PRPF38B: variants seen among roughly 807,000 people sequenced by gnomAD.
PRPF38B encodes the protein pre-mRNA processing factor 38B, also known as pre-mRNA-splicing factor 38B.
PRPF38B carries 18 observed loss-of-function variants against 67.2 expected under a neutral mutation model. That is an observed-to-expected ratio of 0.27 (90% CI 0.19 to 0.40). The LOEUF (loss-of-function observed/expected upper bound fraction) is 0.40, where lower values mean the gene tolerates loss of function less well. Among genes scored for constraint, PRPF38B ranks in the 10% least tolerant of loss-of-function variants. The pLI, the probability that PRPF38B is intolerant of heterozygous loss-of-function variation, is 1.00. For missense variants in PRPF38B, 544 were observed against 684.9 expected (o/e 0.79, Z 2.30); for synonymous variants, 246 against 234.2 (o/e 1.05, Z -0.46).
At chr1:108,697,331 C>G (rs1264215468) in intron 4 of PRPF38B, 1 of 152,192 alleles carries the variant, frequency 6.6e-6, no homozygotes, top group Non-Finnish European at 1.5e-5. Flanking sequence ...CTGTATTGTC[C>G]CTATGTCTAC....
rs1373202343 is a variant in PRPF38B at position 108,701,173 on chromosome 1, A to T, written c.*1153A>T. The T allele has an allele frequency of 6.6e-6, 1 of 152,640 alleles. No individual in the cohort carries two copies. Among genetic ancestry groups the T allele is most frequent in the East Asian group, 1.9e-4 (1 of 5,202 alleles). 9.5% of individuals were successfully genotyped at this position (152,640 alleles called of 1,614,324 possible). ...ATCATGAGTGTGGAATAAATACTGG[A>T]TTAAATCCTTTATCCTGGGTCTTGG... On this transcript the variant is annotated 3_prime_UTR_variant, in exon 6 of 6. Transcript: ENST00000370025.
Position 108,701,648 on chromosome 1 carries a change from C to T in PRPF38B, c.*1628C>T, listed in dbSNP as rs531371534. On this transcript the variant is annotated 3_prime_UTR_variant, in exon 6 of 6. Transcript: ENST00000370025. The stretch of plus-strand genomic sequence containing the variant: ...GCACATTGAGGTTTGTTTTATCTCA[C>T]TGGTTATACTGGCCAACTAATGCGC... 2 of 152,292 alleles carry T rather than the reference C, an allele frequency of 1.3e-5. No individual in the cohort carries two copies. The highest frequency in any genetic ancestry group is 3.9e-4 in the East Asian group (2 of 5,192). The allele number at this position is 152,292 out of a possible 1,614,324, so 9.4% of individuals were successfully genotyped here.
At position 108,698,669 on chromosome 1, in the gene PRPF38B, C is replaced by G; in HGVS notation, c.624C>G (p.Leu208=). ...TTGGAGAAATGCTACGATCTTTTCT[C>G]ACAAAACTGGAGTGGTTTTCTACCT... ...MTIGEMLRSF[L]TKLEWFSTLF... The change falls in exon 5 of 6, where the codon CTC becomes CTG. Residue 208 remains leucine (L), a synonymous_variant. Coordinates refer to ENST00000370025, the MANE Select transcript of PRPF38B (RefSeq NM_018061.4). The G allele has an allele frequency of 6.2e-7, 1 of 1,614,024 alleles. No homozygotes were observed. The highest frequency in any genetic ancestry group is 8.5e-7 in the Non-Finnish European group (1 of 1,179,962).
intron 5 of PRPF38B, 23 bp from the exon 6 acceptor site, chr1:108,699,139 C>T (rs770311576): frequency 9.0e-6 from 14 of 1,562,602 alleles, no homozygotes; most frequent in Non-Finnish European, 1.2e-5. Flanking sequence ...TTGAAATTTT[C>T]TTTCTCCCTC....
At chr1:108,698,860 A>G in intron 5 of PRPF38B, 33 bp downstream of exon 5, 1 of 1,546,176 alleles carries the variant, frequency 6.5e-7, no homozygotes, top group East Asian at 2.3e-5. Context: ...CTTATTTTTC[A>G]TATATGCTTT....
Position 108,699,786 on chromosome 1 carries a change from ACGAAGT to A in PRPF38B, c.1414_1419del (p.Arg472_Ser473del). ...ATGAAAGTAAAGAAAAATCAAATAA[ACGAAGT>A]CGAAGTGGCAGTCAAGGAAGAACTG... On this transcript the variant is annotated inframe_deletion, in exon 6 of 6. Transcript: ENST00000370025. The A allele has an allele frequency of 1.2e-6, 2 of 1,613,114 alleles. No individual in the cohort carries two copies. The highest frequency in any genetic ancestry group is 1.1e-5 in the South Asian group (1 of 90,740).
chr1:108,698,970 C>G, intron 5 of PRPF38B, 143 bp downstream of exon 5: 1 of 1,342,766 alleles, frequency 7.4e-7, no homozygotes, highest in South Asian at 1.6e-5. Context: ...AGATTATTTT[C>G]TTCCTTTCAG....
At chr1:108,695,560 C>T in intron 1 of PRPF38B, 142 bp from the exon 2 acceptor site, 2 of 709,142 alleles carry the variant, frequency 2.8e-6, no homozygotes, top group Middle Eastern at 3.0e-4. Flanking sequence ...ATGATTTACA[C>T]ACTTAATATC....
At chr1:108,694,944 G>A (rs1158713905) in intron 1 of PRPF38B, among the ~76,000 whole-genome samples, 1 of 152,108 alleles carries the variant, frequency 6.6e-6, no homozygotes, top group Admixed American at 6.6e-5. Flanking sequence ...GTATATGCCA[G>A]TGACTATTCA....
rs769562997 is a variant in PRPF38B at position 108,699,772 on chromosome 1, GAAA to G, written c.1396_1398del (p.Lys466del). 1 of 1,612,840 alleles carries G rather than the reference GAAA, an allele frequency of 6.2e-7. No individual in the cohort carries two copies. The highest frequency in any genetic ancestry group is 8.5e-7 in the Non-Finnish European group (1 of 1,179,732). ...AAGTAAACATAAAAATGAAAGTAAA[GAAA>G]AATCAAATAAACGAAGTCGAAGTGG... is the stretch of plus-strand genomic sequence containing the variant. On this transcript the variant is annotated inframe_deletion, in exon 6 of 6. Coordinates refer to ENST00000370025, the MANE Select transcript of PRPF38B (RefSeq NM_018061.4).
At position 108,692,568 on chromosome 1, in the gene PRPF38B, CTCCCTCCTTCCT is replaced by C. The variant is rs1557758529; in HGVS notation, c.-20_-9del. On this transcript the variant is annotated 5_prime_UTR_variant, in exon 1 of 6. Coordinates refer to ENST00000370025, the MANE Select transcript of PRPF38B (RefSeq NM_018061.4). ...TTGGCCCCCTCCCCCCCCTCCTTCC[CTCCCTCCTTCCT>C]TCCGCCGCAACATGGCTAACAACAG... 1 of 1,530,864 alleles carries C rather than the reference CTCCCTCCTTCCT, an allele frequency of 6.5e-7. No individual in the cohort carries two copies. The highest frequency in any genetic ancestry group is 8.8e-7 in the Non-Finnish European group (1 of 1,139,328). The allele number at this position is 1,530,864 out of a possible 1,614,324, so 94.8% of individuals were successfully genotyped here. A position where few individuals can be genotyped will look rare whatever the true frequency, so the allele number is the denominator to read the frequency against.
At position 108,698,710 on chromosome 1, in the gene PRPF38B, C is replaced by G; in HGVS notation, c.665C>G (p.Pro222Arg). 6.2e-7 allele frequency: 1 copy of G among 1,613,812 alleles called. No individual in the cohort carries two copies. Among genetic ancestry groups the G allele is most frequent in the Non-Finnish European group, 8.5e-7 (1 of 1,179,804 alleles). ...TTTTCTACCTTGTTTCCAAGAATTCCAGTTCCAGTTCAAAAGAATATTGAT... is the reference window on the plus strand; with the variant it reads ...TTTTCTACCTTGTTTCCAAGAATTCGAGTTCCAGTTCAAAAGAATATTGAT... ...EWFSTLFPRIPVPVQKNIDQQ... is the reference protein window; with the variant it reads ...EWFSTLFPRIRVPVQKNIDQQ... The change falls in exon 5 of 6, where the codon CCA (proline) becomes CGA (arginine). Residue 222 changes from proline (P) to arginine (R), a missense_variant. Pro to Arg is a moderately radical substitution (Grantham distance 103, BLOSUM62 -2). Coordinates refer to ENST00000370025, the MANE Select transcript of PRPF38B (RefSeq NM_018061.4).
rs552223818 is a variant in PRPF38B, at chr1:108,700,428, C to T, written c.*408C>T. On this transcript the variant is annotated 3_prime_UTR_variant, in exon 6 of 6. Transcript: ENST00000370025. The stretch of plus-strand genomic sequence containing the variant: ...CTGAAGTTAGCATGGCTGTGCTTTT[C>T]GTAATAGAATGCTAAAGACTTTGAG... 10 of 159,090 alleles carry T rather than the reference C, an allele frequency of 6.3e-5. 1 individual carries two copies. The South Asian group carries it at 7.4e-4, about 12-fold the overall frequency. The allele number at this position is 159,090 out of a possible 1,614,324, so 9.9% of individuals were successfully genotyped here.
rs771447074 is a variant in PRPF38B, at chr1:108,698,583, G to T, written c.559-21G>T. 1.1e-5 allele frequency: 17 copies of T among 1,521,598 alleles called. No individual in the cohort carries two copies. The African/African-American group carries it at 1.2e-4, about 11-fold the overall frequency. 94.3% of individuals were successfully genotyped at this position (1,521,598 alleles called of 1,614,324 possible). On this transcript the variant is annotated intron_variant, in intron 4 of 5. Coordinates refer to ENST00000370025, the MANE Select transcript of PRPF38B (RefSeq NM_018061.4). ...GGAAATACTTTTTTTGACGGCTAGG[G>T]TATCTTTTGTGTTTCTGTAGGACCT...
rs775081443 is a variant in PRPF38B, at chr1:108,699,439, C to A, written c.1060C>A (p.Arg354=). 1.1e-5 allele frequency: 18 copies of A among 1,612,076 alleles called. No individual in the cohort carries two copies. The highest frequency in any genetic ancestry group is 1.5e-5 in the Non-Finnish European group (18 of 1,179,572). ...GAAAGGGGATAGAAGGGACAGGGAT[C>A]GAGAAAGAGAGAAAGAAAATGAGAG... The part of the protein sequence containing the change: ...DRKGDRRDRD[R]EREKENERGR... Residue 354 remains arginine (R), a synonymous_variant, in exon 6 of 6, where the codon CGA becomes AGA. Coordinates refer to ENST00000370025, the MANE Select transcript of PRPF38B (RefSeq NM_018061.4).
chr1:108,696,873 G>T, intron 4 of PRPF38B: 1 of 642,290 alleles, frequency 1.6e-6, no homozygotes. Flanking sequence ...TTTAATTCCA[G>T]TTTTCTGACT....
rs980546026 is a variant in PRPF38B, at chr1:108,702,099, G to A, written c.*2079G>A. The stretch of plus-strand genomic sequence containing the variant: ...CACCTCGATTGACAGTTCGATGATC[G>A]TCACTACATTTGATTTCTTGTGGGT... On this transcript the variant is annotated 3_prime_UTR_variant, in exon 6 of 6. Transcript: ENST00000370025. Among the ~76,000 whole-genome samples the A allele has an allele frequency of 6.6e-6, 1 of 152,266 alleles. No homozygotes were observed. The highest frequency in any genetic ancestry group is 1.9e-4 in the East Asian group (1 of 5,178).
chr1:108,696,672 G>T, intron 4 of PRPF38B: 2 of 711,296 alleles, frequency 2.8e-6, no homozygotes, highest in South Asian at 3.0e-5. Flanking sequence ...GCTCAAGATC[G>T]AACAGATAAT....
chr1:108,697,556 T>C (rs1032635181), intron 4 of PRPF38B: 1 of 107,796 alleles, frequency 9.3e-6, no homozygotes, highest in Non-Finnish European at 2.0e-5. Context: ...TTTTTTTTTT[T>C]TTTGCCTGTT....
Sources: gnomAD v4.1 joint callset for allele counts (sites outside exome capture counted in the v4.1 genomes callset) on GRCh38, gnomAD v4.1.1 for gene constraint, MANE v1.5 for transcripts, NCBI Gene and HGNC (gene_info 2026-07-23, HGNC 2026-07-21) for gene names.